The following PLEKHA3 variants were observed in gnomAD, a reference collection of about 807,000 sequenced individuals.
PLEKHA3 encodes pleckstrin homology domain containing A3.
In PLEKHA3, 19 loss-of-function variants were observed where a neutral mutation model predicts 39.2. That is an observed-to-expected ratio of 0.48 (90% CI 0.34 to 0.71). The LOEUF is 0.71. Among genes scored for constraint, PLEKHA3 ranks in the 30% least tolerant of loss-of-function variants. The probability of loss-of-function intolerance (pLI) is 0.01; values close to 1 mark genes in which losing one functional copy is unlikely to be tolerated. For synonymous variants in PLEKHA3, 97 were observed against 118.6 expected, an observed-to-expected ratio of 0.82 and a Z score of 1.18; for missense variants, 253 against 359.5, an observed-to-expected ratio of 0.70 and a Z score of 2.40.
Position 178,490,826 on chromosome 2 carries a change from C to G in PLEKHA3, c.313+12C>G, listed in dbSNP as rs918232418. On this transcript the variant is annotated intron_variant, in intron 3 of 7. Transcript: ENST00000234453. ...TAAAAAAGAAAAAGGTAACTATAAA[C>G]TTTTCCCTTGTGGTGAGAGTACTTT... 4 of 1,594,342 alleles carry G rather than the reference C, an allele frequency of 2.5e-6. No homozygotes were observed. The East Asian group carries it at 9.0e-5, about 36-fold the overall frequency.
rs900778030 is a variant in PLEKHA3 at position 178,480,585 on chromosome 2, G to A, written c.-285G>A. On this transcript the variant is annotated 5_prime_UTR_variant, in exon 1 of 8. Transcript: ENST00000234453. ...CAGCCGGGCTGCGGAAGCGCGAGCAGGAGGCCGGTCGCGGGCGCATTTTTG... is the reference window on the plus strand; with the variant it reads ...CAGCCGGGCTGCGGAAGCGCGAGCAAGAGGCCGGTCGCGGGCGCATTTTTG... 1 of 267,392 alleles carries A rather than the reference G, an allele frequency of 3.7e-6. No individual in the cohort carries two copies. Among genetic ancestry groups the A allele is most frequent in the Non-Finnish European group, 7.0e-6 (1 of 142,312 alleles). The allele number at this position is 267,392 out of a possible 1,614,324, so 16.6% of individuals were successfully genotyped here. A position where few individuals can be genotyped will look rare whatever the true frequency, so the allele number is the denominator to read the frequency against.
At chr2:178,503,293 G>A (rs1685557877) in intron 7 of PLEKHA3, among the ~76,000 whole-genome samples, 1 of 151,904 alleles carries the variant, frequency 6.6e-6, no homozygotes, top group South Asian at 2.1e-4. Context: ...ATGAAAAGAG[G>A]AATACCTGAA....
rs1685578592 is a variant in PLEKHA3 at position 178,504,660 on chromosome 2, AC to A, written c.*774del. ...AATGCTGTAGTGACTTTGCTCACTT[AC>A]ACTAGAGAAATAAACAACTTTCAAT... On this transcript the variant is annotated 3_prime_UTR_variant, in exon 8 of 8. Transcript: ENST00000234453. 6.6e-6 allele frequency: 1 copy of A among 152,194 alleles called. No homozygotes were observed. Among genetic ancestry groups the A allele is most frequent in the African/African-American group, 2.4e-5 (1 of 41,440 alleles). The allele number at this position is 152,194 out of a possible 1,614,324, so 9.4% of individuals were successfully genotyped here. A position where few individuals can be genotyped will look rare whatever the true frequency, so the allele number is the denominator to read the frequency against.
chr2:178,508,356 A>T lies in PLEKHA3; in HGVS notation c.*4469A>T, dbSNP rs1685635712. On this transcript the variant is annotated 3_prime_UTR_variant, in exon 8 of 8. Transcript: ENST00000234453. Reference sequence around the variant, plus strand: ...AAAACCTATTTTTATTTTATAGATTAACTGTTTCCCCATATCTCCCTGAGG... The same window carrying T: ...AAAACCTATTTTTATTTTATAGATTTACTGTTTCCCCATATCTCCCTGAGG... 1 of 151,736 alleles carries T rather than the reference A, an allele frequency of 6.6e-6. No homozygotes were observed. Among genetic ancestry groups the T allele is most frequent in the Non-Finnish European group, 1.5e-5 (1 of 67,882 alleles). The allele number at this position is 151,736 out of a possible 1,614,324, so 9.4% of individuals were successfully genotyped here.
chr2:178,499,063 A>C (rs1409819288), intron 5 of PLEKHA3, 148 bp from the exon 6 acceptor site: 2 of 642,896 alleles, frequency 3.1e-6, no homozygotes, highest in South Asian at 4.7e-5. Context: ...ATGTTGCTTG[A>C]GTCTGTGAAA....
chr2:178,495,643 CCTT>C lies in PLEKHA3; in HGVS notation c.601_603del (p.Ser201del). 1.9e-6 allele frequency: 3 copies of C among 1,609,964 alleles called. No homozygotes were observed. Among genetic ancestry groups the C allele is most frequent in the Non-Finnish European group, 2.5e-6 (3 of 1,177,634 alleles). On this transcript the variant is annotated inframe_deletion, in exon 5 of 8. Transcript: ENST00000234453. Reference sequence around the variant, plus strand: ...GGATCCCTTAGTTTCTCCTGTGTCACCTTCTCCTGTTCAAATGGTTTGAACTTC... The same window carrying C: ...GGATCCCTTAGTTTCTCCTGTGTCACCTCCTGTTCAAATGGTTTGAACTTC...
At chr2:178,495,395 T>G in intron 4 of PLEKHA3, 101 bp from the exon 5 acceptor site, 1 of 1,108,926 alleles carries the variant, frequency 9.0e-7, no homozygotes, top group South Asian at 1.4e-5. Context: ...CATAACATAG[T>G]AATGTGTCTG....
chr2:178,495,251 T>G (rs1466669657), intron 4 of PLEKHA3, among the ~76,000 whole-genome samples: 1 of 152,232 alleles, frequency 6.6e-6, no homozygotes, highest in African/African-American at 2.4e-5. Context: ...CAAAGCTTAT[T>G]TTTTCTTAGA....
intron 3 of PLEKHA3, among the ~76,000 whole-genome samples, chr2:178,492,246 T>A (rs548072361): frequency 6.6e-6 from 1 of 152,094 alleles, no homozygotes; most frequent in East Asian, 1.9e-4. Context: ...TATAACAATT[T>A]TGAAATATAT....
intron 1 of PLEKHA3, among the ~76,000 whole-genome samples, chr2:178,481,609 A>AT (rs2154127459): frequency 6.6e-6 from 1 of 152,322 alleles, no homozygotes; most frequent in Admixed American, 6.5e-5. Flanking sequence ...GCCCCTTACC[A>AT]TGACATTGGC....
intron 1 of PLEKHA3, 149 bp downstream of exon 1, chr2:178,481,058 C>A: frequency 3.0e-6 from 2 of 666,378 alleles, no homozygotes; most frequent in Non-Finnish European, 4.3e-6. Context: ...GTCCTTCTGG[C>A]CTCTTCAGGG....
At chr2:178,488,874 C>G (rs904502091) in intron 2 of PLEKHA3, 2 of 347,412 alleles carry the variant, frequency 5.8e-6, no homozygotes, top group South Asian at 2.4e-5. Context: ...TATTTAATTT[C>G]TCTCAGTAAT....
At position 178,481,134 on chromosome 2, in the gene PLEKHA3, A is replaced by G. The variant is rs142709417; in HGVS notation, c.40+225A>G. On this transcript the variant is annotated intron_variant, in intron 1 of 7. Coordinates refer to ENST00000234453, the MANE Select transcript of PLEKHA3 (RefSeq NM_019091.4). ...CACCTGCCACTTCTTTGCTAGTGTA[A>G]TAATACTAATCCTTGCCTCCTGTAG... Among the ~76,000 whole-genome samples, 525 of 152,202 alleles carry G rather than the reference A, an allele frequency of 3.4e-3. 4 individuals are homozygous for G. The highest frequency in any genetic ancestry group is 0.011 in the African/African-American group (465 of 41,540).
At chr2:178,501,232 G>A in intron 7 of PLEKHA3, 56 bp downstream of exon 7, 1 of 1,267,246 alleles carries the variant, frequency 7.9e-7, no homozygotes, top group Non-Finnish European at 1.1e-6. Flanking sequence ...ATTACTGTGG[G>A]GCTCTGTAAT....
intron 2 of PLEKHA3, among the ~76,000 whole-genome samples, chr2:178,488,028 G>C (rs888286226): frequency 6.6e-6 from 1 of 151,882 alleles, no homozygotes; most frequent in African/African-American, 2.4e-5. Context: ...AATCCCAGCA[G>C]TTTGGGAGGC....
chr2:178,484,977 A>G (rs1022189126), intron 1 of PLEKHA3, among the ~76,000 whole-genome samples: 1 of 152,262 alleles, frequency 6.6e-6, no homozygotes, highest in Non-Finnish European at 1.5e-5. Context: ...AGAGGGGGTC[A>G]TATGGGGAAT....
At chr2:178,481,704 A>G (rs1339968553) in intron 1 of PLEKHA3, among the ~76,000 whole-genome samples, 2 of 152,186 alleles carry the variant, frequency 1.3e-5, no homozygotes, top group Non-Finnish European at 2.9e-5. Context: ...CAAGTCAGTT[A>G]TTCTTTCAGG....
At chr2:178,481,049 T>G in intron 1 of PLEKHA3, 140 bp downstream of exon 1, 1 of 746,404 alleles carries the variant, frequency 1.3e-6, no homozygotes, top group Non-Finnish European at 1.9e-6. Context: ...GCTTGTTGAG[T>G]CCTTCTGGCC....
chr2:178,502,814 A>G (rs923526951), intron 7 of PLEKHA3, among the ~76,000 whole-genome samples: 20 of 151,300 alleles, frequency 1.3e-4, no homozygotes, highest in Admixed American at 9.9e-4. Context: ...ACACGCACGC[A>G]CACACACACA....
Sources: allele counts gnomAD v4.1 joint callset (sites outside exome capture counted in the v4.1 genomes callset), GRCh38; gene constraint gnomAD v4.1.1; transcripts MANE v1.5; gene names NCBI Gene and HGNC (gene_info 2026-07-23, HGNC 2026-07-21).